AK5: variants seen among roughly 807,000 people sequenced by gnomAD.
The protein encoded by AK5 is adenylate kinase isoenzyme 5.
A neutral mutation model predicts 69.5 loss-of-function variants in AK5; 27 were observed. The observed-to-expected ratio is 0.39, with a 90% CI of 0.29 to 0.54. AK5 has a LOEUF of 0.54. Ranked by LOEUF, AK5 falls within the 20% of genes least tolerant of loss-of-function variation. The pLI is 0.71. For missense variants in AK5, 531 were observed against 700.4 expected, an observed-to-expected ratio of 0.76 and a Z score of 2.73; for synonymous variants, 260 against 244.4, an observed-to-expected ratio of 1.06 and a Z score of -0.60.
intron 6 of AK5, among the ~76,000 whole-genome samples, chr1:77,395,120 T>A (rs2100535954): frequency 6.6e-6 from 1 of 152,248 alleles, no homozygotes; most frequent in African/African-American, 2.4e-5. Flanking sequence ...CATAATGGAT[T>A]CTTTTTTTTT....
At chr1:77,468,849 A>G (rs898807694) in intron 8 of AK5, among the ~76,000 whole-genome samples, 44 of 152,340 alleles carry the variant, frequency 2.9e-4, no homozygotes, top group African/African-American at 8.9e-4. Flanking sequence ...ATTTTAAGAC[A>G]AACAGGAGCT....
At chr1:77,358,874 A>G (rs1315856060) in intron 6 of AK5, among the ~76,000 whole-genome samples, 1 of 151,776 alleles carries the variant, frequency 6.6e-6, no homozygotes, top group Non-Finnish European at 1.5e-5. Flanking sequence ...ATTTATAAGG[A>G]TTGGTTTAAA....
intron 5 of AK5, among the ~76,000 whole-genome samples, chr1:77,326,186 C>T (rs559711795): frequency 6.6e-5 from 10 of 152,212 alleles, no homozygotes; most frequent in African/African-American, 2.4e-4. Context: ...CTGAGATAAG[C>T]GGAGAGATCT....
chr1:77,322,513 C>T lies in AK5; in HGVS notation c.700-17864C>T, dbSNP rs1660588162. Among the ~76,000 whole-genome samples the T allele has an allele frequency of 2.0e-5, 3 of 152,098 alleles. No individual in the cohort carries two copies. The South Asian group carries it at 6.2e-4, about 31-fold the overall frequency. On this transcript the variant is annotated intron_variant, in intron 5 of 13. Transcript: ENST00000354567. ...TCTCAATCAACTGATGCCAAAAGTA[C>T]AGCTTTACCATGTGGAGATTCTTGG...
At chr1:77,311,297 A>T (rs1659950133) in intron 5 of AK5, among the ~76,000 whole-genome samples, 1 of 152,174 alleles carries the variant, frequency 6.6e-6, no homozygotes, top group Non-Finnish European at 1.5e-5. Context: ...GAAAGATTCA[A>T]GTGGCTGCAT....
At chr1:77,363,490 T>C (rs992379817) in intron 6 of AK5, among the ~76,000 whole-genome samples, 4 of 152,216 alleles carry the variant, frequency 2.6e-5, no homozygotes, top group African/African-American at 9.6e-5. Flanking sequence ...GATGTCACTT[T>C]CCTATTTGAA....
At chr1:77,424,295 G>GT (rs1238705610) in intron 8 of AK5, among the ~76,000 whole-genome samples, 1 of 152,168 alleles carries the variant, frequency 6.6e-6, no homozygotes, top group African/African-American at 2.4e-5. Context: ...GACTTTTGCT[G>GT]TGTTGCCCAG....
chr1:77,379,908 A>G (rs1647507867), intron 6 of AK5, among the ~76,000 whole-genome samples: 1 of 152,224 alleles, frequency 6.6e-6, no homozygotes, highest in African/African-American at 2.4e-5. Flanking sequence ...AATGGGGTCT[A>G]AAACATGTTT....
At chr1:77,336,508 T>A (rs1661370237) in intron 5 of AK5, among the ~76,000 whole-genome samples, 1 of 152,240 alleles carries the variant, frequency 6.6e-6, no homozygotes, top group African/African-American at 2.4e-5. Context: ...TTTATTTATA[T>A]CTTATGTCTT....
chr1:77,519,901 G>A (rs1657886199), intron 11 of AK5, among the ~76,000 whole-genome samples: 1 of 152,106 alleles, frequency 6.6e-6, no homozygotes. Flanking sequence ...ATCTCATCCT[G>A]TGACTTAGAA....
intron 10 of AK5, among the ~76,000 whole-genome samples, chr1:77,493,336 C>T (rs946808815): frequency 2.0e-5 from 3 of 146,630 alleles, no homozygotes; most frequent in Non-Finnish European, 4.6e-5. Flanking sequence ...CAGCCCCCCC[C>T]AGGTTCTCAG....
At chr1:77,398,198 A>G (rs1648957714) in intron 6 of AK5, among the ~76,000 whole-genome samples, 2 of 152,230 alleles carry the variant, frequency 1.3e-5, no homozygotes, top group East Asian at 3.8e-4. Flanking sequence ...AGGAAAAATA[A>G]TAAAAGAAAA....
intron 5 of AK5, among the ~76,000 whole-genome samples, chr1:77,329,581 G>A (rs1181183285): frequency 6.6e-6 from 1 of 152,140 alleles, no homozygotes; most frequent in Non-Finnish European, 1.5e-5. Context: ...ATTTCTAACA[G>A]GCTTCTAGAG....
At chr1:77,447,796 A>G (rs936283557) in intron 8 of AK5, among the ~76,000 whole-genome samples, 6 of 152,210 alleles carry the variant, frequency 3.9e-5, no homozygotes, top group African/African-American at 1.4e-4. Flanking sequence ...TGAGAAACCA[A>G]ATAACCTCCT....
chr1:77,484,688 G>A (rs947583337), intron 9 of AK5, among the ~76,000 whole-genome samples: 2 of 152,010 alleles, frequency 1.3e-5, no homozygotes, highest in Non-Finnish European at 2.9e-5. Flanking sequence ...ATTTTTTAAC[G>A]TATAAAATAA....
chr1:77,335,988 G>A (rs1166439223), intron 5 of AK5, among the ~76,000 whole-genome samples: 10 of 152,074 alleles, frequency 6.6e-5, no homozygotes, highest in Admixed American at 5.2e-4. Context: ...TCTTATGAGG[G>A]CACCAATCTC....
chr1:77,418,279 A>G (rs940529592), intron 8 of AK5, among the ~76,000 whole-genome samples: 1 of 151,988 alleles, frequency 6.6e-6, no homozygotes, highest in Non-Finnish European at 1.5e-5. Flanking sequence ...GTCCAGGGAA[A>G]CTCCTGATTT....
At chr1:77,361,926 G>A (rs1646872283) in intron 6 of AK5, among the ~76,000 whole-genome samples, 1 of 152,120 alleles carries the variant, frequency 6.6e-6, no homozygotes, top group South Asian at 2.1e-4. Context: ...TTTGGGTGGG[G>A]ACACAGCCAA....
At position 77,454,046 on chromosome 1, in the gene AK5, G is replaced by T. The variant is rs577244303; in HGVS notation, c.1060-29271G>T. On this transcript the variant is annotated intron_variant, in intron 8 of 13. Coordinates refer to ENST00000354567, the MANE Select transcript of AK5 (RefSeq NM_174858.3). ...GAAGAAGCTTCTAGTCTTCAGCTCT[G>T]TAGGGTCAACATGAGATGCTTATTG... 8.5e-5 allele frequency among the ~76,000 whole-genome samples: 13 copies of T among 152,250 alleles called. 1 individual carries two copies. Among genetic ancestry groups the T allele is most frequent in the Admixed American group, 5.2e-4 (8 of 15,292 alleles).
Sources: allele counts gnomAD v4.1 joint callset (sites outside exome capture counted in the v4.1 genomes callset), GRCh38; gene constraint gnomAD v4.1.1; transcripts MANE v1.5; gene names NCBI Gene and HGNC (gene_info 2026-07-23, HGNC 2026-07-21).